The following COL4A4 variants were observed in gnomAD, a reference collection of about 807,000 sequenced individuals.
COL4A4 encodes collagen alpha-4(IV) chain.
Under a neutral mutation model 192.9 loss-of-function variants are expected in COL4A4, and 105 were observed. The ratio of observed to expected loss-of-function variants is 0.54; its 90% CI spans 0.46 to 0.64. The LOEUF (loss-of-function observed/expected upper bound fraction) is 0.64, where lower values mean the gene tolerates loss of function less well. Among genes scored for constraint, COL4A4 ranks in the 30% least tolerant of loss-of-function variants. COL4A4 has a pLI of 0.00. For synonymous variants in COL4A4, 762 were observed against 769.9 expected (o/e 0.99, Z 0.17); for missense variants, 1,967 against 2,169.3 (o/e 0.91, Z 1.85).
At chr2:227,142,810 A>G (rs991553813) in intron 3 of COL4A4, among the ~76,000 whole-genome samples, 14 of 152,134 alleles carry the variant, frequency 9.2e-5, no homozygotes, top group African/African-American at 2.9e-4. Context: ...TTATACTTGT[A>G]ATTCCATCTT....
At position 227,028,012 on chromosome 2, in the gene COL4A4, T is replaced by TAAA; in HGVS notation, c.3974-6_3974-4dup. On this transcript the variant is annotated splice_polypyrimidine_tract_variant and splice_region_variant and intron_variant, in intron 41 of 47. Transcript: ENST00000396625. ...CGGTCCCGGGAATCCCACTGGTCCT[T>TAAA]AAAAAAAAACAAAACATAAAAATGA... 1 of 1,448,066 alleles carries TAAA rather than the reference T, an allele frequency of 6.9e-7. No individual in the cohort carries two copies. Among genetic ancestry groups the TAAA allele is most frequent in the Non-Finnish European group, 9.4e-7 (1 of 1,059,334 alleles). 89.7% of individuals were successfully genotyped at this position (1,448,066 alleles called of 1,614,324 possible).
At chr2:227,102,904 GAAA>G in intron 14 of COL4A4, 56 bp from the exon 15 acceptor site, 4 of 190,278 alleles carry the variant, frequency 2.1e-5, no homozygotes, top group Admixed American at 8.8e-5. Flanking sequence ...CAGCAATAGG[GAAA>G]GCAATATTTC....
chr2:227,104,414 C>A (rs868685849), intron 12 of COL4A4, among the ~76,000 whole-genome samples: 463 of 96,644 alleles, frequency 4.8e-3, no homozygotes, highest in Non-Finnish European at 5.3e-3. Flanking sequence ...ACTAAAAATA[C>A]AAAAAAAAAA....
intron 4 of COL4A4, among the ~76,000 whole-genome samples, chr2:227,135,666 G>T (rs2062765137): frequency 6.6e-6 from 1 of 151,314 alleles, no homozygotes; most frequent in African/African-American, 2.4e-5. Context: ...TTTTGAGACA[G>T]AGTTTTACTC....
At chr2:227,087,066 T>A (rs965208664) in intron 22 of COL4A4, among the ~76,000 whole-genome samples, 9 of 152,180 alleles carry the variant, frequency 5.9e-5, no homozygotes, top group African/African-American at 2.2e-4. Context: ...CATCCCAGGA[T>A]TGAGCCTTGT....
At chr2:227,099,510 C>T (rs532150038) in intron 18 of COL4A4, 110 bp downstream of exon 18, 3 of 959,230 alleles carry the variant, frequency 3.1e-6, no homozygotes, top group African/African-American at 3.2e-5. Flanking sequence ...TTCGTGCATT[C>T]AGCCTGCCTA....
intron 22 of COL4A4, among the ~76,000 whole-genome samples, chr2:227,086,854 C>T (rs1246504097): frequency 6.6e-6 from 1 of 152,234 alleles, no homozygotes; most frequent in Admixed American, 6.5e-5. Context: ...TGCAACCATG[C>T]TTATGCACAT....
At chr2:226,969,968 A>C in the COL4A4 span, among the ~76,000 whole-genome samples, 1 of 147,472 alleles carries the variant, frequency 6.8e-6, no homozygotes, top group Admixed American at 6.8e-5. Flanking sequence ...GGCAGTTTCT[A>C]TTTTCAGAAG....
At chr2:227,029,377 A>T (rs1168303629) in intron 41 of COL4A4, among the ~76,000 whole-genome samples, 1 of 152,222 alleles carries the variant, frequency 6.6e-6, no homozygotes, top group Non-Finnish European at 1.5e-5. Context: ...ACTTACCCAT[A>T]GATTTGAGCC....
At chr2:226,991,681 G>A in the COL4A4 span, among the ~76,000 whole-genome samples, 4 of 152,300 alleles carry the variant, frequency 2.6e-5, no homozygotes, top group African/African-American at 9.6e-5. Context: ...GAGCTACTCA[G>A]TATTCCCATT....
intron 26 of COL4A4, among the ~76,000 whole-genome samples, chr2:227,060,472 T>C (rs954087947): frequency 2.0e-5 from 3 of 152,232 alleles, no homozygotes; most frequent in Non-Finnish European, 4.4e-5. Context: ...AGCCATCCTG[T>C]GAAGGATTCT....
intron 6 of COL4A4, 63 bp downstream of exon 6, chr2:227,119,832 T>C: frequency 8.9e-7 from 1 of 1,119,414 alleles, no homozygotes; most frequent in Non-Finnish European, 1.3e-6. Context: ...CATGTGGTTT[T>C]AAGGATTTTG....
chr2:227,125,025 A>G (rs1426948684), intron 4 of COL4A4, among the ~76,000 whole-genome samples: 2 of 152,170 alleles, frequency 1.3e-5, no homozygotes, highest in Non-Finnish European at 2.9e-5. Flanking sequence ...TTAACTGACT[A>G]TAAATCTCTT....
At chr2:226,985,586 G>A in the COL4A4 span, among the ~76,000 whole-genome samples, 2 of 152,208 alleles carry the variant, frequency 1.3e-5, no homozygotes, top group African/African-American at 2.4e-5. Context: ...AGAAAAATCC[G>A]AGCTGTAGCT....
In COL4A4 at chr2:227,062,513, C is replaced by A. The variant is rs1204524562; in HGVS notation, c.2056+17G>T. 8 of 1,495,016 alleles carry A rather than the reference C, an allele frequency of 5.4e-6. No individual in the cohort carries two copies. Among genetic ancestry groups the A allele is most frequent in the South Asian group, 1.1e-5 (1 of 88,672 alleles). The allele number at this position is 1,495,016 out of a possible 1,614,324, so 92.6% of individuals were successfully genotyped here. ...CTCTGGGAAGTATATAAGACAGTAA[C>A]TTCTCATTGATAATACCTGGAGGTC... is the stretch of plus-strand genomic sequence containing the variant. On this transcript the variant is annotated intron_variant, in intron 26 of 47. Transcript: ENST00000396625.
In COL4A4 at chr2:227,005,955, A is replaced by G. The variant is rs1961998394; in HGVS notation, c.*1370T>C. On this transcript the variant is annotated 3_prime_UTR_variant, in exon 48 of 48. Transcript: ENST00000396625. ...TTTTGCTTTACAGAAAAAAATAATC[A>G]TTATAAATTGACACACATTCTAAAC... 6.6e-6 allele frequency: 1 copy of G among 152,206 alleles called. No individual in the cohort carries two copies. The highest frequency in any genetic ancestry group is 6.5e-5 in the Admixed American group (1 of 15,280). 9.4% of individuals were successfully genotyped at this position (152,206 alleles called of 1,614,324 possible). A position where few individuals can be genotyped will look rare whatever the true frequency, so the allele number is the denominator to read the frequency against.
At position 227,094,287 on chromosome 2, in the gene COL4A4, T is replaced by C; in HGVS notation, c.1207A>G (p.Met403Val). The change falls in exon 20 of 48, where the codon ATG (methionine) becomes GTG (valine). Residue 403 changes from methionine (M) to valine (V), a missense_variant and splice_region_variant. Coordinates refer to ENST00000396625, the MANE Select transcript of COL4A4 (RefSeq NM_000092.5). ...CCTTGTGGCCCAGGGGGTCCTATCA[T>C]GCCTGCAAGATAAATCAAGAATGAA... Reference protein sequence around the residue: ...LGRPGEACAGMIGPPGPQGFP... With the variant: ...LGRPGEACAGVIGPPGPQGFP... 6.2e-7 allele frequency: 1 copy of C among 1,613,530 alleles called. No individual in the cohort carries two copies. Among genetic ancestry groups the C allele is most frequent in the South Asian group, 1.1e-5 (1 of 91,060 alleles).
chr2:227,020,673 G>T (rs188954823), intron 44 of COL4A4, among the ~76,000 whole-genome samples: 5 of 151,992 alleles, frequency 3.3e-5, no homozygotes, highest in Admixed American at 6.6e-5. Context: ...GGGCAGTGAG[G>T]GGGGGTGAAA....
At chr2:227,092,293 A>C (rs1486392771) in intron 20 of COL4A4, among the ~76,000 whole-genome samples, 2 of 152,184 alleles carry the variant, frequency 1.3e-5, no homozygotes. Context: ...CAGACAAGCA[A>C]GATCTCCCAA....
Sources: allele counts gnomAD v4.1 joint callset (sites outside exome capture counted in the v4.1 genomes callset), GRCh38; gene constraint gnomAD v4.1.1; transcripts MANE v1.5; gene names NCBI Gene and HGNC (gene_info 2026-07-23, HGNC 2026-07-21).